Variants in NTAN1 observed in about 807,000 individuals in gnomAD.
The protein encoded by NTAN1 is N-terminal asparagine amidase, also known as protein N-terminal asparagine amidohydrolase.
NTAN1 carries 32 observed loss-of-function variants against 41.9 expected under a neutral mutation model. That is an observed-to-expected ratio of 0.76 (90% CI 0.58 to 1.03). NTAN1 has a LOEUF of 1.03. NTAN1 is among the 50% of genes least tolerant of loss of function. The pLI is 0.00. For missense variants in NTAN1, 377 were observed against 377.5 expected (o/e 1.00, Z 0.01); for synonymous variants, 140 against 139.5 (o/e 1.00, Z -0.03).
chr16:15,044,522 C>G, intron 4 of NTAN1, 115 bp from the exon 5 acceptor site: 1 of 740,216 alleles, frequency 1.4e-6, no homozygotes, highest in East Asian at 2.7e-5. Context: ...AGCAGAGCTG[C>G]AGGTCATCTT....
rs1382453679 is a variant in NTAN1 at position 15,047,124 on chromosome 16, G to A, written c.359+318C>T. 3 of 375,944 alleles carry A rather than the reference G, an allele frequency of 8.0e-6. No individual in the cohort carries two copies. In the East Asian group the frequency reaches 1.6e-4, roughly 20 times the overall value. The allele number at this position is 375,944 out of a possible 1,614,324, so 23.3% of individuals were successfully genotyped here. Reference sequence around the variant, plus strand: ...ACAAGCAACTGCGGGAGGAATGACTGCATGGAGAGCTACCACACCCGGGGG... The same window carrying A: ...ACAAGCAACTGCGGGAGGAATGACTACATGGAGAGCTACCACACCCGGGGG... On this transcript the variant is annotated intron_variant, in intron 4 of 9. Coordinates refer to ENST00000287706, the MANE Select transcript of NTAN1 (RefSeq NM_173474.4).
At chr16:15,053,521 A>G (rs936305741) in intron 1 of NTAN1, among the ~76,000 whole-genome samples, 1 of 152,206 alleles carries the variant, frequency 6.6e-6, no homozygotes, top group Non-Finnish European at 1.5e-5. Flanking sequence ...CTTCATTAGG[A>G]CTTTCACCAA....
intron 3 of NTAN1, 113 bp downstream of exon 3, chr16:15,047,742 G>T: frequency 2.0e-6 from 2 of 1,002,814 alleles, no homozygotes; most frequent in Non-Finnish European, 1.6e-6. Flanking sequence ...CCAGAAAAAA[G>T]GTAAGCGGAG....
At chr16:15,040,520 C>T (rs1420630463) in intron 7 of NTAN1, 1 of 174,854 alleles carries the variant, frequency 5.7e-6, no homozygotes, top group African/African-American at 2.4e-5. Flanking sequence ...AGTATCACCG[C>T]TACAGCAGAA....
At chr16:15,048,538 A>C (rs2044172573) in intron 1 of NTAN1, among the ~76,000 whole-genome samples, 1 of 151,932 alleles carries the variant, frequency 6.6e-6, no homozygotes, top group Non-Finnish European at 1.5e-5. Context: ...TCTTTACTAA[A>C]GAGTGTGAGA....
rs76392657 is a variant in NTAN1, at chr16:15,054,579, T to C, written c.81+1312A>G. Among the ~76,000 whole-genome samples, 862 of 152,278 alleles carry C rather than the reference T, an allele frequency of 5.7e-3. 8 individuals carry two copies. The highest frequency in any genetic ancestry group is 0.02 in the African/African-American group (823 of 41,552). ...GCCACCACGCCTAGCTCGGTGCATG[T>C]TGGCTAACAGACGATGGTCGGTCCT... On this transcript the variant is annotated intron_variant, in intron 1 of 9. Coordinates refer to ENST00000287706, the MANE Select transcript of NTAN1 (RefSeq NM_173474.4).
Position 15,055,965 on chromosome 16 carries a change from G to A in NTAN1, c.7C>T (p.Leu3=). 8.2e-7 allele frequency: 1 copy of A among 1,225,190 alleles called. No individual in the cohort carries two copies. Among genetic ancestry groups the A allele is most frequent in the Non-Finnish European group, 1.0e-6 (1 of 983,388 alleles). 75.9% of individuals were successfully genotyped at this position (1,225,190 alleles called of 1,614,324 possible). A position where few individuals can be genotyped will look rare whatever the true frequency, so the allele number is the denominator to read the frequency against. The change falls in exon 1 of 10, where the codon CTG becomes TTG. Residue 3 remains leucine (L), a synonymous_variant. Transcript: ENST00000287706. MP[L]LVEGRRVRLP... Reference sequence around the variant, plus strand: ...CGCACTCGCCGCCCCTCGACGAGCAGCGGCATCGCGGAGGCGGCCGCCCAG... The same window carrying A: ...CGCACTCGCCGCCCCTCGACGAGCAACGGCATCGCGGAGGCGGCCGCCCAG...
At position 15,040,053 on chromosome 16, in the gene NTAN1, C is replaced by A. The variant is rs758645879; in HGVS notation, c.555G>T (p.Lys185Asn). The A allele has an allele frequency of 6.2e-7, 1 of 1,605,526 alleles. No homozygotes were observed. Among genetic ancestry groups the A allele is most frequent in the Non-Finnish European group, 8.5e-7 (1 of 1,172,664 alleles). ...AGGATGCTCTGTAAATCTCTGCAGT[C>A]TTAATGTTGACAGCTGTGAGGGACA... ...PVIYGIAVNI[K>N]TAEIYRASFQ... The change falls in exon 8 of 10, where the codon AAG (lysine) becomes AAT (asparagine). Residue 185 changes from lysine to asparagine, a missense_variant. Transcript: ENST00000287706.
At chr16:15,040,977 C>T in intron 7 of NTAN1, 91 bp downstream of exon 7, 4 of 883,716 alleles carry the variant, frequency 4.5e-6, no homozygotes, top group Non-Finnish European at 7.7e-6. Flanking sequence ...CTGTCCCATC[C>T]TGACAGCAGT....
intron 5 of NTAN1, among the ~76,000 whole-genome samples, chr16:15,043,340 A>G (rs1429506755): frequency 1.3e-5 from 2 of 152,186 alleles, no homozygotes; most frequent in Non-Finnish European, 2.9e-5. Context: ...CCGGCCGGAT[A>G]TGAACCTTTT....
At chr16:15,040,815 G>A (rs560547007) in intron 7 of NTAN1, among the ~76,000 whole-genome samples, 2 of 152,230 alleles carry the variant, frequency 1.3e-5, no homozygotes, top group South Asian at 4.2e-4. Flanking sequence ...GGGTGGGCAT[G>A]GCCTGTCCTT....
intron 9 of NTAN1, 41 bp from the exon 10 acceptor site, chr16:15,038,251 A>ATTAGAGAAGCCAACCTTG: frequency 6.9e-7 from 1 of 1,447,502 alleles, no homozygotes; most frequent in Non-Finnish European, 9.6e-7. Flanking sequence ...AGCCAACCTT[A>ATTAGAGAAGCCAACCTTG]CTGTCCCCTG....
chr16:15,039,384 T>C (rs1397760868), intron 8 of NTAN1, among the ~76,000 whole-genome samples: 1 of 152,214 alleles, frequency 6.6e-6, no homozygotes, highest in Non-Finnish European at 1.5e-5. Flanking sequence ...CTGAATGTGA[T>C]TTCCGTTTTT....
chr16:15,043,722 G>C (rs1597777379), intron 5 of NTAN1, among the ~76,000 whole-genome samples: 3 of 152,268 alleles, frequency 2.0e-5, no homozygotes, highest in Admixed American at 1.3e-4. Context: ...GGCCGAGGCA[G>C]GTGCATCACC....
At chr16:15,038,387 A>T (rs1394229005) in intron 9 of NTAN1, 177 bp from the exon 10 acceptor site, 2 of 618,212 alleles carry the variant, frequency 3.2e-6, no homozygotes, top group Non-Finnish European at 5.6e-6. Flanking sequence ...ACCCACACAC[A>T]TTTCCATCTA....
chr16:15,038,384 C>A, intron 9 of NTAN1, 174 bp from the exon 10 acceptor site: 1 of 618,416 alleles, frequency 1.6e-6, no homozygotes, highest in Non-Finnish European at 2.8e-6. Flanking sequence ...TTTACCCACA[C>A]ACATTTCCAT....
chr16:15,038,573 C>A lies in NTAN1; in HGVS notation c.753+1G>T. 1 of 1,502,522 alleles carries A rather than the reference C, an allele frequency of 6.7e-7. No homozygotes were observed. The highest frequency in any genetic ancestry group is 9.3e-7 in the Non-Finnish European group (1 of 1,079,682). The allele number at this position is 1,502,522 out of a possible 1,614,324, so 93.1% of individuals were successfully genotyped here. ...GACTTACCCAGCCTGTAAACTCTCA[C>A]CTCTAGTATTTGCTTGTCATCTTGG... On this transcript the variant is annotated splice_donor_variant, in intron 9 of 9. Transcript: ENST00000287706. LOFTEE classifies it high-confidence loss of function.
chr16:15,047,670 G>A, intron 3 of NTAN1, 120 bp from the exon 4 acceptor site: 1 of 933,024 alleles, frequency 1.1e-6, no homozygotes, highest in Middle Eastern at 2.2e-4. Flanking sequence ...GGGAAAAACG[G>A]ACAGGTCTGT....
At chr16:15,044,284 G>C in intron 5 of NTAN1, 50 bp downstream of exon 5, 1 of 1,252,606 alleles carries the variant, frequency 8.0e-7, no homozygotes, top group Non-Finnish European at 1.2e-6. Flanking sequence ...AGCAAATATG[G>C]GTACATATTT....
Sources: allele counts gnomAD v4.1 joint callset (sites outside exome capture counted in the v4.1 genomes callset), GRCh38; gene constraint gnomAD v4.1.1; transcripts MANE v1.5; gene names NCBI Gene and HGNC (gene_info 2026-07-23, HGNC 2026-07-21).